Variants in ADGRB3 observed in about 807,000 individuals in gnomAD.
The protein encoded by ADGRB3 is brain-specific angiogenesis inhibitor 3.
Under a neutral mutation model 193.4 loss-of-function variants are expected in ADGRB3, and 37 were observed. The observed-to-expected ratio is 0.19, with a 90% CI of 0.15 to 0.25. ADGRB3 has a LOEUF of 0.25. Among genes scored for constraint, ADGRB3 ranks in the 10% least tolerant of loss-of-function variants. The pLI is 1.00. For missense variants in ADGRB3, 1,637 were observed against 1,852.9 expected (o/e 0.88, Z 2.14); for synonymous variants, 690 against 644.2 (o/e 1.07, Z -1.08).
chr6:69,224,002 A>G (rs1444826005), intron 17 of ADGRB3, among the ~76,000 whole-genome samples: 1 of 151,930 alleles, frequency 6.6e-6, no homozygotes, highest in African/African-American at 2.4e-5. Flanking sequence ...AGATTGCAGA[A>G]GTAATATAGT....
At chr6:69,343,247 A>C (rs573860660) in intron 26 of ADGRB3, among the ~76,000 whole-genome samples, 2 of 148,932 alleles carry the variant, frequency 1.3e-5, no homozygotes, top group East Asian at 3.9e-4. Context: ...GGTTAGTTAC[A>C]TATGTATACA....
intron 11 of ADGRB3, among the ~76,000 whole-genome samples, chr6:69,002,914 G>GT (rs1438214235): frequency 2.6e-5 from 4 of 152,148 alleles, no homozygotes; most frequent in Non-Finnish European, 5.9e-5. Context: ...TCAAACATCA[G>GT]TAAGGGAGAT....
intron 3 of ADGRB3, among the ~76,000 whole-genome samples, chr6:68,786,057 G>T (rs373566969): frequency 0.019 from 2,805 of 148,350 alleles, 77 homozygotes; most frequent in African/African-American, 0.055. Context: ...ATATTAGCCC[G>T]TTGTCAGATG....
intron 3 of ADGRB3, among the ~76,000 whole-genome samples, chr6:68,793,379 T>C (rs1255732119): frequency 2.0e-5 from 3 of 152,176 alleles, no homozygotes; most frequent in Non-Finnish European, 4.4e-5. Flanking sequence ...TTCCTGTGTG[T>C]GCATGTGTGT....
chr6:68,931,329 T>G (rs73480137), intron 4 of ADGRB3, among the ~76,000 whole-genome samples: 1,908 of 152,126 alleles, frequency 0.013, 40 homozygotes, highest in African/African-American at 0.041. Context: ...CTGTAAATAT[T>G]TGGAGTATGT....
intron 13 of ADGRB3, among the ~76,000 whole-genome samples, chr6:69,036,010 GA>G (rs1341782223): frequency 6.6e-6 from 1 of 152,090 alleles, no homozygotes; most frequent in Non-Finnish European, 1.5e-5. Flanking sequence ...GAAATTCAAT[GA>G]AAAAGTCCAA....
intron 20 of ADGRB3, among the ~76,000 whole-genome samples, chr6:69,291,139 C>T (rs1052896884): frequency 6.6e-6 from 1 of 151,942 alleles, no homozygotes; most frequent in Non-Finnish European, 1.5e-5. Flanking sequence ...AGATTTTTTT[C>T]ATTTGCTTTG....
At chr6:69,036,580 T>TA (rs202185677) in intron 13 of ADGRB3, among the ~76,000 whole-genome samples, 1,594 of 150,508 alleles carry the variant, frequency 0.011, 13 homozygotes, top group Non-Finnish European at 0.018. Flanking sequence ...TAAGTCTATG[T>TA]AAAAAAAAAA....
intron 17 of ADGRB3, among the ~76,000 whole-genome samples, chr6:69,086,666 T>A (rs1772559213): frequency 6.6e-6 from 1 of 152,108 alleles, no homozygotes; most frequent in Non-Finnish European, 1.5e-5. Context: ...GGAGTGGCAA[T>A]GAAGAAAGAT....
At chr6:68,991,563 G>C (rs572510383) in intron 10 of ADGRB3, among the ~76,000 whole-genome samples, 23 of 144,364 alleles carry the variant, frequency 1.6e-4, no homozygotes, top group Non-Finnish European at 3.3e-4. Context: ...CCATCCCCTC[G>C]CTCCCACAAA....
At chr6:68,955,696 G>A (rs989862835) in intron 6 of ADGRB3, among the ~76,000 whole-genome samples, 2 of 152,118 alleles carry the variant, frequency 1.3e-5, no homozygotes, top group East Asian at 3.9e-4. Context: ...GGAGGCTGAG[G>A]CAAGAGAACT....
chr6:69,264,607 T>C (rs1767001386), intron 20 of ADGRB3, among the ~76,000 whole-genome samples: 1 of 151,862 alleles, frequency 6.6e-6, no homozygotes, highest in South Asian at 2.1e-4. Context: ...TTATCCTCCT[T>C]GGACTCAGAC....
chr6:69,143,015 G>A (rs1004085600), intron 17 of ADGRB3, among the ~76,000 whole-genome samples: 1 of 152,138 alleles, frequency 6.6e-6, no homozygotes, highest in African/African-American at 2.4e-5. Flanking sequence ...GATGAAGGTT[G>A]CCTTTTCTCC....
intron 13 of ADGRB3, among the ~76,000 whole-genome samples, chr6:69,032,989 T>C (rs1224873779): frequency 6.6e-6 from 1 of 152,202 alleles, no homozygotes; most frequent in Non-Finnish European, 1.5e-5. Flanking sequence ...GAGTAGCCAC[T>C]CAGTCCCTTG....
At chr6:68,681,589 C>A (rs73461975) in intron 3 of ADGRB3, among the ~76,000 whole-genome samples, 4,600 of 152,192 alleles carry the variant, frequency 0.03, 118 homozygotes, top group African/African-American at 0.066. Flanking sequence ...TCCATTGTGC[C>A]ACTTTTAACT....
At chr6:69,003,377 G>C (rs533397221) in intron 11 of ADGRB3, among the ~76,000 whole-genome samples, 3 of 152,156 alleles carry the variant, frequency 2.0e-5, no homozygotes, top group African/African-American at 7.2e-5. Context: ...AAAGGGCAGG[G>C]AATGTATCAG....
chr6:69,224,728 T>C (rs928030939), intron 17 of ADGRB3, among the ~76,000 whole-genome samples: 2 of 152,204 alleles, frequency 1.3e-5, no homozygotes, highest in African/African-American at 2.4e-5. Context: ...TTCAGTTTTA[T>C]TCAAATTTCC....
intron 29 of ADGRB3, among the ~76,000 whole-genome samples, chr6:69,371,256 A>G (rs1164016678): frequency 1.3e-5 from 2 of 152,072 alleles, no homozygotes; most frequent in African/African-American, 4.8e-5. Flanking sequence ...TGAGGTTCTG[A>G]TTCTGTAATG....
At chr6:69,245,839 C>G (rs2127264140) in intron 20 of ADGRB3, among the ~76,000 whole-genome samples, 1 of 152,202 alleles carries the variant, frequency 6.6e-6, no homozygotes, top group African/African-American at 2.4e-5. Context: ...TAGGGCAGGA[C>G]TAAGTCATAC....
Sources: allele counts gnomAD v4.1 joint callset (sites outside exome capture counted in the v4.1 genomes callset), GRCh38; gene constraint gnomAD v4.1.1; transcripts MANE v1.5; gene names NCBI Gene and HGNC (gene_info 2026-07-23, HGNC 2026-07-21).